The following ZNF493 variants were observed in gnomAD, a reference collection of about 807,000 sequenced individuals.
ZNF493 encodes the protein zinc finger protein 493.
In ZNF493, 11 loss-of-function variants were observed where a neutral mutation model predicts 12.2. That is an observed-to-expected ratio of 0.90 (90% CI 0.57 to 1.50). The LOEUF (loss-of-function observed/expected upper bound fraction) is 1.50. Ranked by LOEUF, ZNF493 falls within the 40% of genes most tolerant of loss-of-function variation. The pLI is 0.00. For missense variants in ZNF493, 950 were observed against 906.6 expected, an observed-to-expected ratio of 1.05 and a Z score of -0.61; for synonymous variants, 286 against 302.6, an observed-to-expected ratio of 0.95 and a Z score of 0.57.
intron 3 of ZNF493, among the ~76,000 whole-genome samples, chr19:21,417,138 AT>A (rs1157001577): frequency 6.6e-6 from 1 of 152,182 alleles, no homozygotes; most frequent in Non-Finnish European, 1.5e-5. Context: ...AGTGGCACTG[AT>A]TAGCCCAATG....
intron 3 of ZNF493, chr19:21,407,718 CA>C (rs2030180446): frequency 1.0e-6 from 1 of 978,024 alleles, no homozygotes; most frequent in African/African-American, 1.8e-5. Flanking sequence ...AGACAAATTT[CA>C]ATGTACTGTG....
intron 3 of ZNF493, among the ~76,000 whole-genome samples, chr19:21,421,203 G>GT (rs143441996): frequency 0.19 from 28,592 of 151,114 alleles, 2,952 homozygotes; most frequent in Non-Finnish European, 0.24. Flanking sequence ...ATTTTTCAGG[G>GT]TTTTTTTATA....
At chr19:21,402,576 A>G (rs2029984713) in intron 1 of ZNF493, among the ~76,000 whole-genome samples, 2 of 152,206 alleles carry the variant, frequency 1.3e-5, no homozygotes, top group South Asian at 4.1e-4. Flanking sequence ...ACATAGGGTC[A>G]GGCCTCTGCC....
intron 3 of ZNF493, among the ~76,000 whole-genome samples, chr19:21,410,341 T>A (rs181114198): frequency 6.6e-6 from 1 of 152,208 alleles, no homozygotes; most frequent in Admixed American, 6.5e-5. Context: ...TCAACATAGG[T>A]TTCATTTTTA....
In ZNF493 at chr19:21,408,866, ATTCT is replaced by A. The variant is rs1245179760; in HGVS notation, c.253+3025_253+3028del. ...ATTGGTTATGGCTTATCTTGTATAT[ATTCT>A]TTCTTTCTTTCTTTTTTTTTTTTTT... On this transcript the variant is annotated intron_variant, in intron 3 of 3. Coordinates refer to ENST00000392288, the MANE Select transcript of ZNF493 (RefSeq NM_001076678.3). 94 of 765,030 alleles carry A rather than the reference ATTCT, an allele frequency of 1.2e-4. 1 individual carries two copies. The African/African-American group carries it at 1.5e-3, about 12-fold the overall frequency. 47.4% of individuals were successfully genotyped at this position (765,030 alleles called of 1,614,324 possible).
rs1475305756 is a variant in ZNF493, at chr19:21,423,926, C to T, written c.1267C>T (p.His423Tyr). 1.2e-6 allele frequency: 2 copies of T among 1,613,232 alleles called. No individual in the cohort carries two copies. The highest frequency in any genetic ancestry group is 2.7e-5 in the African/African-American group (2 of 74,888). ...TAAGGAGTCTTCACACCTTACTACACATAAAAGAATTCATACTGGAGAGAA... is the reference window on the plus strand; with the variant it reads ...TAAGGAGTCTTCACACCTTACTACATATAAAAGAATTCATACTGGAGAGAA... Reference protein sequence around the residue: ...AYKESSHLTTHKRIHTGEKPY... With the variant: ...AYKESSHLTTYKRIHTGEKPY... The change falls in exon 4 of 4, where the codon CAT becomes TAT. Residue 423 changes from histidine to tyrosine, a missense_variant. His to Tyr is a moderately conservative substitution (Grantham distance 83). Transcript: ENST00000392288.
intron 3 of ZNF493, chr19:21,413,360 T>TA: frequency 2.5e-6 from 1 of 406,144 alleles, no homozygotes; most frequent in Non-Finnish European, 4.3e-6. Flanking sequence ...GTATAATTGT[T>TA]CTCTGTGTCA....
Position 21,425,826 on chromosome 19 carries a change from CAT to C in ZNF493, c.*844_*845del, listed in dbSNP as rs901530075. 28 of 557,718 alleles carry C rather than the reference CAT, an allele frequency of 5.0e-5. No homozygotes were observed. In the African/African-American group the frequency reaches 5.4e-4, roughly 11 times the overall value. 34.5% of individuals were successfully genotyped at this position (557,718 alleles called of 1,614,324 possible). A position where few individuals can be genotyped will look rare whatever the true frequency, so the allele number is the denominator to read the frequency against. ...TATCCAGTCCTCAACTCCTAGTAAA[CAT>C]AATTAATGATGGAGAGAAACCATAC... On this transcript the variant is annotated 3_prime_UTR_variant, in exon 4 of 4. Coordinates refer to ENST00000392288, the MANE Select transcript of ZNF493 (RefSeq NM_001076678.3).
At chr19:21,416,751 TC>T (rs1374001288) in intron 3 of ZNF493, among the ~76,000 whole-genome samples, 1 of 152,210 alleles carries the variant, frequency 6.6e-6, no homozygotes, top group Non-Finnish European at 1.5e-5. Context: ...CTATGCGCTC[TC>T]CTGGCTCTGC....
chr19:21,409,534 A>G (rs1344787265), intron 3 of ZNF493, among the ~76,000 whole-genome samples: 18 of 151,808 alleles, frequency 1.2e-4, no homozygotes, highest in Non-Finnish European at 1.9e-4. Context: ...ACTTGAGCCC[A>G]AAAGTGTCAG....
Position 21,423,709 on chromosome 19 carries a change from A to T in ZNF493, c.1050A>T (p.Arg350Ser), listed in dbSNP as rs2030757242. ...KIIHTEEKSH[R>S]CEEYCKAYKE... Reference sequence around the variant, plus strand: ...TTCACACTGAAGAGAAATCCCACAGATGTGAAGAATATTGCAAAGCTTATA... The same window carrying T: ...TTCACACTGAAGAGAAATCCCACAGTTGTGAAGAATATTGCAAAGCTTATA... Residue 350 changes from arginine to serine, a missense_variant, in exon 4 of 4, where the codon AGA (arginine) becomes AGT (serine). By Grantham distance (110) the Arg-to-Ser change is moderately radical. Transcript: ENST00000392288. 1.9e-6 allele frequency: 3 copies of T among 1,613,778 alleles called. No homozygotes were observed. The highest frequency in any genetic ancestry group is 2.5e-6 in the Non-Finnish European group (3 of 1,179,824).
At chr19:21,410,060 GTATATA>G (rs60038018) in intron 3 of ZNF493, among the ~76,000 whole-genome samples, 9,509 of 43,824 alleles carry the variant, frequency 0.22, 331 homozygotes, top group Non-Finnish European at 0.37. Context: ...TTCATTGTGT[GTATATA>G]TATATATATA....
At chr19:21,420,185 G>T (rs2145302734) in intron 3 of ZNF493, among the ~76,000 whole-genome samples, 1 of 152,170 alleles carries the variant, frequency 6.6e-6, no homozygotes, top group South Asian at 2.1e-4. Context: ...TGCCTGTACA[G>T]ACACAAAGTT....
At chr19:21,422,451 A>ATTTG (rs1484436429) in intron 3 of ZNF493, among the ~76,000 whole-genome samples, 2 of 117,220 alleles carry the variant, frequency 1.7e-5, no homozygotes, top group Admixed American at 9.6e-5. Flanking sequence ...TTATTTATTT[A>ATTTG]TTTATTTATT....
chr19:21,410,135 G>T (rs2030277221), intron 3 of ZNF493, among the ~76,000 whole-genome samples: 1 of 149,272 alleles, frequency 6.7e-6, no homozygotes, highest in Non-Finnish European at 1.5e-5. Flanking sequence ...CATCTGAGTT[G>T]TTTCAGCCCT....
rs755958539 is a variant in ZNF493 at position 21,423,663 on chromosome 19, C to G, written c.1004C>G (p.Thr335Ser). The G allele has an allele frequency of 6.2e-7, 1 of 1,609,716 alleles. No homozygotes were observed. Among genetic ancestry groups the G allele is most frequent in the Admixed American group, 1.7e-5 (1 of 59,732 alleles). Reference sequence around the variant, plus strand: ...GGCAAAGCCTTTAGTATTTTCTCAACCCCTACTAAACATAAGATAATTCAC... The same window carrying G: ...GGCAAAGCCTTTAGTATTTTCTCAAGCCCTACTAAACATAAGATAATTCAC... ...ECGKAFSIFS[T>S]PTKHKIIHTE... The change falls in exon 4 of 4, where the codon ACC becomes AGC. Residue 335 changes from threonine to serine, a missense_variant. Coordinates refer to ENST00000392288, the MANE Select transcript of ZNF493 (RefSeq NM_001076678.3).
intron 3 of ZNF493, among the ~76,000 whole-genome samples, chr19:21,419,929 CA>C (rs2030606070): frequency 6.6e-6 from 1 of 152,136 alleles, no homozygotes; most frequent in Non-Finnish European, 1.5e-5. Context: ...TGCCAACCCC[CA>C]CATGATTCTG....
At chr19:21,404,219 A>G (rs1257593421) in intron 1 of ZNF493, among the ~76,000 whole-genome samples, 10 of 152,346 alleles carry the variant, frequency 6.6e-5, no homozygotes, top group East Asian at 5.8e-4. Flanking sequence ...AGAACATAGA[A>G]GATATCTGCA....
At chr19:21,405,297 G>A (rs754981975) in intron 2 of ZNF493, 42 bp downstream of exon 2, 2 of 1,575,452 alleles carry the variant, frequency 1.3e-6, no homozygotes, top group Non-Finnish European at 8.6e-7. Flanking sequence ...ATACCCTAAA[G>A]TTTTCATTTC....
Sources: allele counts gnomAD v4.1 joint callset (sites outside exome capture counted in the v4.1 genomes callset), GRCh38; gene constraint gnomAD v4.1.1; transcripts MANE v1.5; gene names NCBI Gene and HGNC (gene_info 2026-07-23, HGNC 2026-07-21).